SUN2: variants seen among roughly 807,000 people sequenced by gnomAD.
SUN2 encodes the protein Sad1 and UNC84 domain containing 2, also known as SUN domain-containing protein 2.
A neutral mutation model predicts 100.0 loss-of-function variants in SUN2; 60 were observed. The ratio of observed to expected loss-of-function variants is 0.60; its 90% CI spans 0.49 to 0.74. SUN2 has a LOEUF of 0.74. Ranked by LOEUF, SUN2 falls within the 30% of genes least tolerant of loss-of-function variation. The probability of loss-of-function intolerance (pLI) is 0.00; values close to 1 mark genes in which losing one functional copy is unlikely to be tolerated. For missense variants in SUN2, 834 were observed against 954.6 expected, an observed-to-expected ratio of 0.87 and a Z score of 1.66; for synonymous variants, 367 against 403.3, an observed-to-expected ratio of 0.91 and a Z score of 1.08.
At chr22:38,754,772 A>C in intron 1 of SUN2, 1 of 1,285,966 alleles carries the variant, frequency 7.8e-7, no homozygotes, top group Non-Finnish European at 1.0e-6. Context: ...GGGAAGAACT[A>C]AATATTCTGA....
chr22:38,736,379 G>T lies in SUN2; in HGVS notation c.2042C>A (p.Ala681Asp). The change falls in exon 18 of 18, where the codon GCC becomes GAC. Residue 681 changes from alanine to aspartate, a missense_variant and splice_region_variant. Ala to Asp is a moderately radical substitution (Grantham distance 126). Around this residue, in one of 3 missense-constraint regions of SUN2, gnomAD observed 80 missense variants for 76.7 expected, o/e 1.04. Coordinates refer to ENST00000689035, the MANE Select transcript of SUN2 (RefSeq NM_015374.3). ...GEPIQTFHFQAPTMATYQVVE... is the reference protein window; with the variant it reads ...GEPIQTFHFQDPTMATYQVVE... ...CACCTGGTACGTGGCCATCGTAGGG[G>T]CCTGGGTAGAGAAGAAAGGGATTAA... 6.2e-7 allele frequency: 1 copy of T among 1,611,904 alleles called. No homozygotes were observed. The highest frequency in any genetic ancestry group is 8.5e-7 in the Non-Finnish European group (1 of 1,178,862).
Position 38,749,783 on chromosome 22 carries a change from G to A in SUN2, c.597C>T (p.Asp199=), listed in dbSNP as rs565232362. The stretch of plus-strand genomic sequence containing the variant: ...TCGCTCACCTGGTTAAAACGAAGAC[G>A]TCAAGGAGGGAGGCAGCTGTGGTCA... ...YRLTTAASLL[D]VFVLTRRFSS... is the part of the protein sequence containing the mutation. Residue 199 remains aspartate, a synonymous_variant, in exon 6 of 18, where the codon GAC becomes GAT. Transcript: ENST00000689035. 8 of 1,614,126 alleles carry A rather than the reference G, an allele frequency of 5.0e-6. No homozygotes were observed. The highest frequency in any genetic ancestry group is 2.7e-5 in the African/African-American group (2 of 75,028).
rs2092928112 is a variant in SUN2 at position 38,749,620 on chromosome 22, G to A, written c.614+146C>T. On this transcript the variant is annotated intron_variant, in intron 6 of 17. Coordinates refer to ENST00000689035, the MANE Select transcript of SUN2 (RefSeq NM_015374.3). ...CTCTGTCAGGCAGGGGTGGGCTTTG[G>A]GGAAGCTACTCCGTGATCGCTAATA... is the stretch of plus-strand genomic sequence containing the variant. The A allele has an allele frequency of 1.4e-5, 10 of 716,156 alleles. No homozygotes were observed. In the South Asian group the frequency reaches 1.7e-4, roughly 12 times the overall value. The allele number at this position is 716,156 out of a possible 1,614,324, so 44.4% of individuals were successfully genotyped here. A position where few individuals can be genotyped will look rare whatever the true frequency, so the allele number is the denominator to read the frequency against.
chr22:38,742,289 T>C lies in SUN2; in HGVS notation c.1068+12A>G. 1 of 1,586,436 alleles carries C rather than the reference T, an allele frequency of 6.3e-7. No individual in the cohort carries two copies. Among genetic ancestry groups the C allele is most frequent in the Non-Finnish European group, 8.6e-7 (1 of 1,160,814 alleles). ...TCACCCACCTCCCACCCTGAGGTATTCCACCTCCTACCTGGATGCGAGCAG... is the reference window on the plus strand; with the variant it reads ...TCACCCACCTCCCACCCTGAGGTATCCCACCTCCTACCTGGATGCGAGCAG... On this transcript the variant is annotated intron_variant, in intron 9 of 17. Coordinates refer to ENST00000689035, the MANE Select transcript of SUN2 (RefSeq NM_015374.3).
In SUN2 at chr22:38,755,770, C is replaced by T. The variant is rs941510033; in HGVS notation, c.-45G>A. ...GAGCTCGCCCGCACTCACCTGCTGC[C>T]GCGGCGGCTTCTAGCCCGGCCGGGG... On this transcript the variant is annotated 5_prime_UTR_variant, in exon 1 of 18. Coordinates refer to ENST00000689035, the MANE Select transcript of SUN2 (RefSeq NM_015374.3). The surrounding 1 kb of genome is among the most constrained non-coding windows in gnomAD (Gnocchi z 5.7). 1 of 984,800 alleles carries T rather than the reference C, an allele frequency of 1.0e-6. No individual in the cohort carries two copies. The highest frequency in any genetic ancestry group is 1.2e-6 in the Non-Finnish European group (1 of 829,716). 61.0% of individuals were successfully genotyped at this position (984,800 alleles called of 1,614,324 possible).
At position 38,755,214 on chromosome 22, in the gene SUN2, T is replaced by C; in HGVS notation, c.-38+549A>G. The C allele has an allele frequency of 5.9e-6, 7 of 1,182,296 alleles. No individual in the cohort carries two copies. The highest frequency in any genetic ancestry group is 7.5e-6 in the Non-Finnish European group (7 of 938,480). The allele number at this position is 1,182,296 out of a possible 1,614,324, so 73.2% of individuals were successfully genotyped here. ...GGCACAGCCAGGCCACACGCCCTTG[T>C]GGGACCTGCCAAACGCCCGGTGCTA... On this transcript the variant is annotated intron_variant, in intron 1 of 17. Coordinates refer to ENST00000689035, the MANE Select transcript of SUN2 (RefSeq NM_015374.3). The surrounding 1 kb of genome is among the most constrained non-coding windows in gnomAD (Gnocchi z 5.7).
Position 38,738,782 on chromosome 22 carries a change from C to G in SUN2, c.1780-28G>C, listed in dbSNP as rs764253312. 22 of 1,609,738 alleles carry G rather than the reference C, an allele frequency of 1.4e-5. No individual in the cohort carries two copies. The South Asian group carries it at 2.3e-4, about 17-fold the overall frequency. On this transcript the variant is annotated intron_variant, in intron 15 of 17. Coordinates refer to ENST00000689035, the MANE Select transcript of SUN2 (RefSeq NM_015374.3). The surrounding 1 kb of genome is among the most constrained non-coding windows in gnomAD (Gnocchi z 6.6). ...GGAGGAGCAGAAAGTCATGTCAGGA[C>G]AGGGCCCTGAGTCCAGCTCTTGCTG...
chr22:38,750,331 C>T lies in SUN2; in HGVS notation c.425-11G>A, dbSNP rs774550032. On this transcript the variant is annotated splice_polypyrimidine_tract_variant and intron_variant, in intron 4 of 17. Transcript: ENST00000689035. ...CCACATCCGAGTAGCCTGCGGGGAA[C>T]GAGGACACTGGCTCAGTCTCTGTCA... 3.5e-4 allele frequency: 562 copies of T among 1,613,676 alleles called. No individual in the cohort carries two copies. The highest frequency in any genetic ancestry group is 4.4e-4 in the Non-Finnish European group (522 of 1,179,976).
chr22:38,740,390 C>T lies in SUN2; in HGVS notation c.1233G>A (p.Leu411=), dbSNP rs1408843622. Residue 411 remains leucine (L), a synonymous_variant, in exon 12 of 18, where the codon CTG becomes CTA. Coordinates refer to ENST00000689035, the MANE Select transcript of SUN2 (RefSeq NM_015374.3). This position sits in a 1 kb window ranked among gnomAD's most constrained non-coding sequence, Gnocchi z 4.8. Reference sequence around the variant, plus strand: ...CGGCCAGCTGGTCCTCCAGCCGCCTCAGCTCCTTCACAGAGCTCTCCTGGA... The same window carrying T: ...CGGCCAGCTGGTCCTCCAGCCGCCTTAGCTCCTTCACAGAGCTCTCCTGGA... ...ESFQESSVKE[L]RRLEDQLAGL... is the part of the protein sequence containing the mutation. The T allele has an allele frequency of 1.1e-5, 18 of 1,573,446 alleles. No homozygotes were observed. In the Admixed American group the frequency reaches 3.3e-4, roughly 29 times the overall value.
rs1352384251 is a variant in SUN2 at position 38,755,913 on chromosome 22, GC to G, written c.-189del. The G allele has an allele frequency of 2.0e-6, 2 of 982,570 alleles. No individual in the cohort carries two copies. 60.9% of individuals were successfully genotyped at this position (982,570 alleles called of 1,614,324 possible). On this transcript the variant is annotated 5_prime_UTR_variant, in exon 1 of 18. Coordinates refer to ENST00000689035, the MANE Select transcript of SUN2 (RefSeq NM_015374.3). This position sits in a 1 kb window ranked among gnomAD's most constrained non-coding sequence, Gnocchi z 5.7. ...CCCGGGGCGCGCGGGCACGCGAAGA[GC>G]GGCGACGCGGGACAAGGCGGGCGGG...
chr22:38,750,057 A>C (rs535556952), intron 5 of SUN2, among the ~76,000 whole-genome samples, 168 bp downstream of exon 5: 1 of 145,990 alleles, frequency 6.8e-6, no homozygotes, highest in East Asian at 2.0e-4. Flanking sequence ...CTTCCCTTCC[A>C]CGCAAGGGGG....
At chr22:38,752,896 G>T (rs899365116) in intron 1 of SUN2, among the ~76,000 whole-genome samples, 1 of 152,218 alleles carries the variant, frequency 6.6e-6, no homozygotes, top group African/African-American at 2.4e-5. Context: ...GGCTCACTTC[G>T]TGACTCTGGA....
rs1425816968 is a variant in SUN2, at chr22:38,735,788, GC to G, written c.*478del. 1.3e-5 allele frequency: 2 copies of G among 159,980 alleles called. No individual in the cohort carries two copies. Among genetic ancestry groups the G allele is most frequent in the Non-Finnish European group, 1.4e-5 (1 of 72,394 alleles). 9.9% of individuals were successfully genotyped at this position (159,980 alleles called of 1,614,324 possible). A position where few individuals can be genotyped will look rare whatever the true frequency, so the allele number is the denominator to read the frequency against. ...GGCAGCTCTCCATCAAGTGCTTCCTGCCTGGGGAAGTCCCATCCTGCTCTGG... is the reference window on the plus strand; with the variant it reads ...GGCAGCTCTCCATCAAGTGCTTCCTGCTGGGGAAGTCCCATCCTGCTCTGG... On this transcript the variant is annotated 3_prime_UTR_variant, in exon 18 of 18. Transcript: ENST00000689035.
intron 1 of SUN2, among the ~76,000 whole-genome samples, chr22:38,753,412 C>T (rs1359872089): frequency 1.3e-5 from 2 of 151,978 alleles, no homozygotes; most frequent in Non-Finnish European, 2.9e-5. Context: ...GACGGGGTTT[C>T]GCCATGTTGG....
At chr22:38,742,057 C>T (rs113604427) in intron 9 of SUN2, among the ~76,000 whole-genome samples, 178 of 151,870 alleles carry the variant, frequency 1.2e-3, no homozygotes, top group African/African-American at 3.9e-3. Context: ...GCAAGAGAAT[C>T]GCTTGAACCT....
At position 38,751,393 on chromosome 22, in the gene SUN2, G is replaced by A. The variant is rs533214938; in HGVS notation, c.123-20C>T. 7.4e-6 allele frequency: 12 copies of A among 1,612,268 alleles called. No individual in the cohort carries two copies. In the South Asian group the frequency reaches 9.9e-5, roughly 13 times the overall value. On this transcript the variant is annotated intron_variant, in intron 2 of 17. Coordinates refer to ENST00000689035, the MANE Select transcript of SUN2 (RefSeq NM_015374.3). ...AAGGTCCTGTGGGACAACCATGAGG[G>A]CAGAGGTAGGGAGCAGGGAGGTGAG...
intron 1 of SUN2, among the ~76,000 whole-genome samples, chr22:38,753,298 C>T (rs559047661): frequency 6.7e-6 from 1 of 149,462 alleles, no homozygotes; most frequent in African/African-American, 2.5e-5. Context: ...TCACTGCAAC[C>T]TCTACCTCCC....
At position 38,738,629 on chromosome 22, in the gene SUN2, G is replaced by A; in HGVS notation, c.1905C>T (p.Pro635=). The A allele has an allele frequency of 6.2e-7, 1 of 1,613,998 alleles. No homozygotes were observed. Among genetic ancestry groups the A allele is most frequent in the Non-Finnish European group, 8.5e-7 (1 of 1,180,010 alleles). ...TLEHVPKALS[P]NSTISSAPKD... Reference sequence around the variant, plus strand: ...TGGGGGCACTGGAGATAGTGCTGTTGGGTGACAAGGCCTTGGGCACATGCT... The same window carrying A: ...TGGGGGCACTGGAGATAGTGCTGTTAGGTGACAAGGCCTTGGGCACATGCT... The change falls in exon 16 of 18, where the codon CCC becomes CCT. Residue 635 remains proline (P), a synonymous_variant. Coordinates refer to ENST00000689035, the MANE Select transcript of SUN2 (RefSeq NM_015374.3). The surrounding 1 kb of genome is among the most constrained non-coding windows in gnomAD (Gnocchi z 6.6).
intron 9 of SUN2, 68 bp from the exon 10 acceptor site, chr22:38,741,639 G>T: frequency 6.9e-7 from 1 of 1,453,498 alleles, no homozygotes. Flanking sequence ...TGACTAGGAA[G>T]TGGCGGAACT....
Sources: allele counts gnomAD v4.1 joint callset (sites outside exome capture counted in the v4.1 genomes callset), GRCh38; gene constraint gnomAD v4.1.1; regional missense constraint gnomAD v4.1.1; non-coding constraint Gnocchi (gnomAD v3.1); transcripts MANE v1.5; gene names NCBI Gene and HGNC (gene_info 2026-07-23, HGNC 2026-07-21).